The following ANO2 variants were observed in gnomAD, a reference collection of about 807,000 sequenced individuals.
ANO2 encodes the protein anoctamin 2.
A neutral mutation model predicts 124.2 loss-of-function variants in ANO2; 101 were observed. The observed-to-expected ratio is 0.81, with a 90% CI of 0.69 to 0.96. The LOEUF (loss-of-function observed/expected upper bound fraction) is 0.96, where lower values mean the gene tolerates loss of function less well. Ranked by LOEUF, ANO2 falls within the 40% of genes least tolerant of loss-of-function variation. The pLI, the probability that ANO2 is intolerant of heterozygous loss-of-function variation, is 0.00. For missense variants in ANO2, 1,293 were observed against 1,274.5 expected, an observed-to-expected ratio of 1.01 and a Z score of -0.22; for synonymous variants, 486 against 482.5, an observed-to-expected ratio of 1.01 and a Z score of -0.09.
At chr12:5,780,386 A>G (rs1265463845) in intron 10 of ANO2, among the ~76,000 whole-genome samples, 1 of 152,228 alleles carries the variant, frequency 6.6e-6, no homozygotes, top group African/African-American at 2.4e-5. Flanking sequence ...AATTGTTTCA[A>G]AATAAAAAGT....
chr12:5,785,286 G>A (rs1952509282), intron 10 of ANO2, among the ~76,000 whole-genome samples: 1 of 152,254 alleles, frequency 6.6e-6, no homozygotes, highest in East Asian at 1.9e-4. Context: ...AAGAGGACCA[G>A]CGAGAGGCTT....
At position 5,635,095 on chromosome 12, in the gene ANO2, T is replaced by G. The variant is rs1352759041; in HGVS notation, c.1816+57A>C. ...TTTTTTATTTTATCACCAAAAGCCT[T>G]GCACGCATTGACTTAAAGAGGGCCT... On this transcript the variant is annotated intron_variant, in intron 16 of 24. Transcript: ENST00000682330. The surrounding 1 kb of genome is among the most constrained non-coding windows in gnomAD (Gnocchi z 5.2). The G allele has an allele frequency of 7.0e-7, 1 of 1,427,064 alleles. No homozygotes were observed. Among genetic ancestry groups the G allele is most frequent in the African/African-American group, 1.4e-5 (1 of 69,778 alleles). The allele number at this position is 1,427,064 out of a possible 1,614,324, so 88.4% of individuals were successfully genotyped here.
At chr12:5,746,865 A>T (rs946979184) in intron 11 of ANO2, among the ~76,000 whole-genome samples, 4 of 152,222 alleles carry the variant, frequency 2.6e-5, no homozygotes, top group Non-Finnish European at 4.4e-5. Context: ...TCAGCTTTTT[A>T]AAAAATGTCC....
chr12:5,791,466 C>T (rs4930802), intron 10 of ANO2, among the ~76,000 whole-genome samples: 4,327 of 152,222 alleles, frequency 0.028, 90 homozygotes, highest in Admixed American at 0.043. Context: ...GCATGCAGCC[C>T]GTACCAGAAG....
chr12:5,774,302 A>AC (rs889979054), intron 10 of ANO2, among the ~76,000 whole-genome samples: 77 of 152,182 alleles, frequency 5.1e-4, no homozygotes, highest in African/African-American at 1.8e-3. Context: ...AACAACAACA[A>AC]AAAAATCCAT....
At chr12:5,655,750 A>G (rs435675) in intron 14 of ANO2, among the ~76,000 whole-genome samples, 61,454 of 152,170 alleles carry the variant, frequency 0.4, 13,924 homozygotes, top group African/African-American at 0.59. Flanking sequence ...TATGGAACTC[A>G]TTCACAAGTG....
intron 1 of ANO2, among the ~76,000 whole-genome samples, chr12:5,927,269 G>C (rs1942122654): frequency 6.6e-6 from 1 of 152,196 alleles, no homozygotes; most frequent in Non-Finnish European, 1.5e-5. Context: ...TACAGTCTTG[G>C]CTGTTTCATA....
At chr12:5,650,463 C>A (rs1187271043) in intron 14 of ANO2, among the ~76,000 whole-genome samples, 2 of 152,150 alleles carry the variant, frequency 1.3e-5, no homozygotes, top group Non-Finnish European at 2.9e-5. Flanking sequence ...AGTGCTCATG[C>A]ATTCAGACAC....
chr12:5,709,270 T>C (rs1949722812), intron 14 of ANO2, among the ~76,000 whole-genome samples: 1 of 152,170 alleles, frequency 6.6e-6, no homozygotes, highest in Non-Finnish European at 1.5e-5. Flanking sequence ...TCCATAGCTG[T>C]CCAGAAGAAA....
At chr12:5,669,887 G>A (rs1947907266) in intron 14 of ANO2, among the ~76,000 whole-genome samples, 1 of 152,208 alleles carries the variant, frequency 6.6e-6, no homozygotes, top group Non-Finnish European at 1.5e-5. Flanking sequence ...AGAGAAGAAA[G>A]TAACTCACTA....
intron 20 of ANO2, chr12:5,583,956 C>T (rs565153193): frequency 2.2e-5 from 5 of 230,232 alleles, no homozygotes; most frequent in East Asian, 2.1e-4. Context: ...CCTGAAGGCA[C>T]GGAGCACCAT....
chr12:5,599,462 AG>A, intron 20 of ANO2, 21 bp downstream of exon 20: 1 of 1,589,918 alleles, frequency 6.3e-7, no homozygotes, highest in Non-Finnish European at 8.5e-7. Flanking sequence ...CCCCAGTGGA[AG>A]GCAGGACCAT....
chr12:5,944,842 C>G (rs1250673948), intron 1 of ANO2, among the ~76,000 whole-genome samples: 1 of 152,090 alleles, frequency 6.6e-6, no homozygotes, highest in African/African-American at 2.4e-5. Context: ...CCTTCAGATG[C>G]TGTAGGCTAA....
At chr12:5,923,123 C>T (rs533955302) in intron 1 of ANO2, among the ~76,000 whole-genome samples, 1 of 63,260 alleles carries the variant, frequency 1.6e-5, no homozygotes, top group South Asian at 5.4e-4. Flanking sequence ...TGCACGCACA[C>T]ACACCCACAT....
intron 14 of ANO2, among the ~76,000 whole-genome samples, chr12:5,656,093 AG>A (rs142991520): frequency 0.014 from 2,095 of 152,316 alleles, 33 homozygotes; most frequent in African/African-American, 0.046. Context: ...AGTGGATGGA[AG>A]GTGAGGGGAG....
intron 1 of ANO2, 42 bp downstream of exon 1, chr12:5,945,154 C>A: frequency 7.8e-7 from 1 of 1,281,056 alleles, no homozygotes; most frequent in Non-Finnish European, 1.0e-6. Flanking sequence ...TCCCTCCTAC[C>A]ACCTGTAGGA....
chr12:5,778,253 G>A (rs1405681360), intron 10 of ANO2, among the ~76,000 whole-genome samples: 1 of 152,166 alleles, frequency 6.6e-6, no homozygotes, highest in African/African-American at 2.4e-5. Context: ...CTATTTTATA[G>A]ATGAGGACTG....
intron 23 of ANO2, 100 bp downstream of exon 23, chr12:5,575,731 ACAT>A: frequency 1.5e-6 from 2 of 1,345,530 alleles, no homozygotes; most frequent in Non-Finnish European, 2.0e-6. Flanking sequence ...GTTGTCCAAA[ACAT>A]CATCATGTTG....
At chr12:5,673,249 G>A (rs779611718) in intron 14 of ANO2, among the ~76,000 whole-genome samples, 5 of 152,200 alleles carry the variant, frequency 3.3e-5, no homozygotes, top group Non-Finnish European at 7.3e-5. Flanking sequence ...GGGACTAGAT[G>A]ACACCATGCA....
Sources: allele counts gnomAD v4.1 joint callset (sites outside exome capture counted in the v4.1 genomes callset), GRCh38; gene constraint gnomAD v4.1.1; non-coding constraint Gnocchi (gnomAD v3.1); transcripts MANE v1.5; gene names NCBI Gene and HGNC (gene_info 2026-07-23, HGNC 2026-07-21).